ALG9: variants seen among roughly 807,000 people sequenced by gnomAD.
The protein encoded by ALG9 is ALG9 alpha-1,2-mannosyltransferase.
A neutral mutation model predicts 81.8 loss-of-function variants in ALG9; 55 were observed. The observed-to-expected ratio is 0.67, with a 90% CI of 0.54 to 0.84. The LOEUF (loss-of-function observed/expected upper bound fraction) is 0.84, where lower values mean the gene tolerates loss of function less well. Ranked by LOEUF, ALG9 falls within the 40% of genes least tolerant of loss-of-function variation. The pLI is 0.00. For synonymous variants in ALG9, 278 were observed against 274.3 expected, an observed-to-expected ratio of 1.01 and a Z score of -0.13; for missense variants, 629 against 745.0, an observed-to-expected ratio of 0.84 and a Z score of 1.81.
intron 14 of ALG9, among the ~76,000 whole-genome samples, chr11:111,797,721 T>C (rs1333636016): frequency 4.6e-5 from 7 of 152,136 alleles, no homozygotes; most frequent in East Asian, 3.8e-4. Context: ...CTCTACAACA[T>C]AGGACAAAAA....
rs542358128 is a variant in ALG9, at chr11:111,833,074, T to G, written c.1602+3091A>C. Among the ~76,000 whole-genome samples the G allele has an allele frequency of 2.0e-4, 30 of 152,250 alleles. No homozygotes were observed. In the East Asian group the frequency reaches 5.0e-3, roughly 25 times the overall value. ...CAGGAAAACTTCCAGCAAGTCTGCTTAAGCATTAAATTAAAGTCAGAAAAA... is the reference window on the plus strand; with the variant it reads ...CAGGAAAACTTCCAGCAAGTCTGCTGAAGCATTAAATTAAAGTCAGAAAAA... On this transcript the variant is annotated intron_variant, in intron 13 of 14. Coordinates refer to ENST00000616540, the MANE Select transcript of ALG9 (RefSeq NM_024740.2).
At chr11:111,771,486 C>T in the ALG9 span, 1 of 152,252 alleles carries the variant, frequency 6.6e-6, no homozygotes, top group South Asian at 2.1e-4. Context: ...ACTTGCGTCT[C>T]CCTTACAGCC....
At chr11:111,778,543 G>A (rs573221910), downstream of ALG9, among the ~76,000 whole-genome samples, 37 of 152,272 alleles carry the variant, frequency 2.4e-4, no homozygotes, top group East Asian at 6.6e-3. Context: ...GGTCTGTGGT[G>A]GGGAAGAGGC....
At chr11:111,774,835 T>C in the ALG9 span, among the ~76,000 whole-genome samples, 1 of 152,220 alleles carries the variant, frequency 6.6e-6, no homozygotes, top group Non-Finnish European at 1.5e-5. Context: ...CATAGATGTG[T>C]ATGATAAGTA....
chr11:111,834,199 GTCTGCT>G (rs1379952950), intron 13 of ALG9, among the ~76,000 whole-genome samples: 4 of 152,202 alleles, frequency 2.6e-5, no homozygotes, highest in African/African-American at 9.6e-5. Flanking sequence ...TTAAAGGAAG[GTCTGCT>G]CAATATGGAC....
intron 13 of ALG9, among the ~76,000 whole-genome samples, chr11:111,816,711 C>T (rs572853451): frequency 2.1e-4 from 32 of 152,254 alleles, no homozygotes; most frequent in Middle Eastern, 3.4e-3. Context: ...CATGTGCCAC[C>T]ATGCCTGGCT....
chr11:111,861,658 G>T (rs1042569570), intron 4 of ALG9, among the ~76,000 whole-genome samples: 1 of 152,124 alleles, frequency 6.6e-6, no homozygotes, highest in Non-Finnish European at 1.5e-5. Flanking sequence ...ATTTTTTGTA[G>T]AGATGAGGTC....
intron 11 of ALG9, among the ~76,000 whole-genome samples, 189 bp from the exon 12 acceptor site, chr11:111,837,804 C>A (rs1287144048): frequency 1.3e-5 from 2 of 152,188 alleles, no homozygotes; most frequent in Non-Finnish European, 2.9e-5. Flanking sequence ...ACGGTTACAG[C>A]AGAGGCCCTA....
At chr11:111,804,616 A>G (rs170666) in intron 14 of ALG9, among the ~76,000 whole-genome samples, 1 of 152,182 alleles carries the variant, frequency 6.6e-6, no homozygotes, top group African/African-American at 2.4e-5. Context: ...ACCCAACACT[A>G]AGAAAATGAA....
the ALG9 span, among the ~76,000 whole-genome samples, chr11:111,775,042 C>G: frequency 6.6e-6 from 1 of 152,294 alleles, no homozygotes. Flanking sequence ...CTCCACTCAG[C>G]CTCTCAAAGT....
chr11:111,834,882 A>T (rs1954970261), intron 13 of ALG9, among the ~76,000 whole-genome samples: 1 of 152,226 alleles, frequency 6.6e-6, no homozygotes, highest in Non-Finnish European at 1.5e-5. Context: ...AGAGCCTTAA[A>T]TTAAAAGAAT....
chr11:111,866,405 T>C (rs879994788), intron 3 of ALG9, among the ~76,000 whole-genome samples: 1 of 152,066 alleles, frequency 6.6e-6, no homozygotes, highest in Non-Finnish European at 1.5e-5. Flanking sequence ...GTGCTTTCAT[T>C]TGGGGTAGCA....
chr11:111,840,880 T>A, intron 9 of ALG9, 71 bp from the exon 10 acceptor site: 1 of 1,581,978 alleles, frequency 6.3e-7, no homozygotes, highest in East Asian at 2.2e-5. Flanking sequence ...TTTAGTGTTA[T>A]CTTGATCTCA....
At chr11:111,811,286 T>A (rs1259226240) in intron 13 of ALG9, among the ~76,000 whole-genome samples, 1 of 152,180 alleles carries the variant, frequency 6.6e-6, no homozygotes, top group African/African-American at 2.4e-5. Context: ...CTCACGCCTG[T>A]AATCCCAGCA....
At chr11:111,840,519 T>C (rs782425692) in intron 10 of ALG9, 136 bp downstream of exon 10, 11 of 1,005,474 alleles carry the variant, frequency 1.1e-5, no homozygotes, top group Non-Finnish European at 1.7e-5. Context: ...GGTTTAATAA[T>C]ATGATCTATA....
intron 14 of ALG9, among the ~76,000 whole-genome samples, chr11:111,788,013 T>C (rs1271863826): frequency 6.6e-5 from 10 of 152,078 alleles, no homozygotes; most frequent in African/African-American, 2.4e-4. Flanking sequence ...CTAGAAAAAG[T>C]TGTAGTGATA....
At chr11:111,867,184 G>T (rs1163771225) in intron 3 of ALG9, among the ~76,000 whole-genome samples, 4 of 152,218 alleles carry the variant, frequency 2.6e-5, no homozygotes, top group Non-Finnish European at 5.9e-5. Context: ...ACTTTCTGCA[G>T]GTGCCACCTT....
chr11:111,802,738 A>C (rs1205279395), intron 14 of ALG9, among the ~76,000 whole-genome samples: 1 of 152,218 alleles, frequency 6.6e-6, no homozygotes, highest in Non-Finnish European at 1.5e-5. Flanking sequence ...TAACTATACA[A>C]AAGTGAAGAA....
At position 111,836,225 on chromosome 11, in the gene ALG9, C is replaced by A. The variant is rs782117315; in HGVS notation, c.1542G>T (p.Leu514=). The A allele has an allele frequency of 3.1e-6, 5 of 1,613,970 alleles. No homozygotes were observed. Among genetic ancestry groups the A allele is most frequent in the Non-Finnish European group, 3.4e-6 (4 of 1,179,936 alleles). ...TGTCAGTAGGAACAATCCGGGTGGCCAGAGGTCCTTCTGCAAAAGGTTTTG... is the reference window on the plus strand; with the variant it reads ...TGTCAGTAGGAACAATCCGGGTGGCAAGAGGTCCTTCTGCAAAAGGTTTTG... ...QLPKPFAEGP[L]ATRIVPTDMN... is the part of the protein sequence containing the mutation. Residue 514 remains leucine (L), a synonymous_variant, in exon 13 of 15, where the codon CTG becomes CTT. Transcript: ENST00000616540.
Sources: gnomAD v4.1 joint callset for allele counts (sites outside exome capture counted in the v4.1 genomes callset) on GRCh38, gnomAD v4.1.1 for gene constraint, MANE v1.5 for transcripts, NCBI Gene and HGNC (gene_info 2026-07-23, HGNC 2026-07-21) for gene names.